The following SMOC2 variants were observed in gnomAD, a reference collection of about 807,000 sequenced individuals.
SMOC2 encodes SPARC-related modular calcium-binding protein 2.
In SMOC2, 39 loss-of-function variants were observed where a neutral mutation model predicts 61.4. The observed-to-expected ratio is 0.64, with a 90% confidence interval of 0.49 to 0.83. The LOEUF (loss-of-function observed/expected upper bound fraction) is 0.83. Ranked by LOEUF, SMOC2 falls within the 40% of genes least tolerant of loss-of-function variation. The pLI is 0.00. For missense variants in SMOC2, 556 were observed against 592.9 expected, an observed-to-expected ratio of 0.94 and a Z score of 0.65; for synonymous variants, 247 against 239.9, an observed-to-expected ratio of 1.03 and a Z score of -0.27.
At chr6:168,501,389 C>A (rs1254097381) in intron 1 of SMOC2, among the ~76,000 whole-genome samples, 1 of 152,028 alleles carries the variant, frequency 6.6e-6, no homozygotes, top group African/African-American at 2.4e-5. Flanking sequence ...GCAAAAAGTA[C>A]AATAAAGCAC....
At chr6:168,575,596 G>A (rs936646728) in intron 7 of SMOC2, among the ~76,000 whole-genome samples, 1 of 152,162 alleles carries the variant, frequency 6.6e-6, no homozygotes, top group African/African-American at 2.4e-5. Context: ...GGAGCCATGC[G>A]AAGGGTCTGT....
chr6:168,612,368 C>T (rs1255483453), intron 9 of SMOC2, among the ~76,000 whole-genome samples: 1 of 117,292 alleles, frequency 8.5e-6, no homozygotes, highest in Non-Finnish European at 1.8e-5. Flanking sequence ...TTTACTCAAA[C>T]AGCAGCACTG....
chr6:168,613,010 T>C (rs1394879149), intron 9 of SMOC2, among the ~76,000 whole-genome samples: 1 of 152,220 alleles, frequency 6.6e-6, no homozygotes, highest in African/African-American at 2.4e-5. Context: ...TCTTTCACTC[T>C]CGGATACGGT....
intron 1 of SMOC2, among the ~76,000 whole-genome samples, chr6:168,465,385 G>A (rs1218662326): frequency 1.3e-5 from 2 of 151,406 alleles, no homozygotes; most frequent in Non-Finnish European, 2.9e-5. Flanking sequence ...GGCTCTTCAT[G>A]AAGAGATTTT....
At chr6:168,661,705 A>T (rs1280830204) in intron 11 of SMOC2, among the ~76,000 whole-genome samples, 1 of 152,148 alleles carries the variant, frequency 6.6e-6, no homozygotes, top group African/African-American at 2.4e-5. Context: ...TCCCAGGGAG[A>T]ATTCTATTAA....
chr6:168,504,766 C>T (rs951402023), intron 1 of SMOC2, among the ~76,000 whole-genome samples: 2 of 151,226 alleles, frequency 1.3e-5, no homozygotes, highest in Non-Finnish European at 2.9e-5. Context: ...TTCACTAGGG[C>T]AGGCTCTTCT....
chr6:168,516,863 G>A (rs558294589), intron 2 of SMOC2, among the ~76,000 whole-genome samples: 232 of 152,242 alleles, frequency 1.5e-3, no homozygotes, highest in Non-Finnish European at 2.5e-3. Context: ...CTGAGGCAGG[G>A]GAATCCCTTG....
chr6:168,605,965 C>G (rs1253540797), intron 8 of SMOC2, among the ~76,000 whole-genome samples: 1 of 152,182 alleles, frequency 6.6e-6, no homozygotes, highest in East Asian at 1.9e-4. Context: ...TTCATAAGCC[C>G]TCGGGCAGGA....
chr6:168,467,471 T>A (rs1315515999), intron 1 of SMOC2, among the ~76,000 whole-genome samples: 1 of 152,100 alleles, frequency 6.6e-6, no homozygotes, highest in East Asian at 1.9e-4. Flanking sequence ...CACACCCGGC[T>A]AATTTTTTTT....
At chr6:168,574,072 A>C (rs1370110472) in intron 7 of SMOC2, among the ~76,000 whole-genome samples, 1 of 152,232 alleles carries the variant, frequency 6.6e-6, no homozygotes, top group Non-Finnish European at 1.5e-5. Context: ...GACGAGGAAA[A>C]GAGGCTGGAA....
chr6:168,478,501 A>G (rs1299524439), intron 1 of SMOC2, among the ~76,000 whole-genome samples: 3 of 152,224 alleles, frequency 2.0e-5, no homozygotes, highest in East Asian at 1.9e-4. Flanking sequence ...CATTAAAAAA[A>G]CAAAATAAGA....
At position 168,547,599 on chromosome 6, in the gene SMOC2, G is replaced by A. The variant is rs117468888; in HGVS notation, c.562+430G>A. ...ATATACTTAATGATGAAACGGCAAC[G>A]GATGGCATAGTAAACATTTCCTAGC... On this transcript the variant is annotated intron_variant, in intron 6 of 12. Coordinates refer to ENST00000356284, the MANE Select transcript of SMOC2 (RefSeq NM_001166412.2). Among the ~76,000 whole-genome samples, 821 of 152,218 alleles carry A rather than the reference G, an allele frequency of 5.4e-3. 13 individuals carry two copies. Among genetic ancestry groups the A allele is most frequent in the South Asian group, 0.019 (92 of 4,814 alleles).
intron 7 of SMOC2, among the ~76,000 whole-genome samples, chr6:168,563,513 C>G (rs1325783404): frequency 6.6e-6 from 1 of 152,116 alleles, no homozygotes; most frequent in East Asian, 1.9e-4. Context: ...TGTCTCCCTG[C>G]TATGGTCTAA....
Position 168,623,449 on chromosome 6 carries a change from C to T in SMOC2, c.907+15210C>T, listed in dbSNP as rs549460857. Among the ~76,000 whole-genome samples the T allele has an allele frequency of 8.6e-5, 13 of 151,028 alleles. No individual in the cohort carries two copies. The East Asian group carries it at 1.6e-3, about 18-fold the overall frequency. ...CAAGCAATTCTCCCGCCTCAGCCTC[C>T]GAGTAACTAGGACTACACACCACCC... On this transcript the variant is annotated intron_variant, in intron 9 of 12. Transcript: ENST00000356284.
intron 9 of SMOC2, among the ~76,000 whole-genome samples, chr6:168,644,979 T>A (rs1786986027): frequency 6.6e-6 from 1 of 152,156 alleles, no homozygotes; most frequent in Non-Finnish European, 1.5e-5. Flanking sequence ...TAAAGATAAT[T>A]TAGAAAGAAA....
intron 9 of SMOC2, among the ~76,000 whole-genome samples, chr6:168,614,528 C>T (rs868022733): frequency 9.2e-5 from 4 of 43,294 alleles, no homozygotes; most frequent in Non-Finnish European, 1.4e-4. Flanking sequence ...CCTCTTCACA[C>T]CTACAGCCAG....
intron 9 of SMOC2, among the ~76,000 whole-genome samples, chr6:168,615,056 A>G (rs1382681798): frequency 2.0e-5 from 2 of 99,122 alleles, no homozygotes; most frequent in African/African-American, 3.9e-5. Flanking sequence ...CAGCCAGCAC[A>G]GGGCCTCTTC....
chr6:168,592,240 C>A (rs533727176), intron 7 of SMOC2, among the ~76,000 whole-genome samples: 1 of 152,158 alleles, frequency 6.6e-6, no homozygotes, highest in Non-Finnish European at 1.5e-5. Context: ...CTTTTTCCTG[C>A]GCCCTTCATG....
chr6:168,645,546 G>A lies in SMOC2; in HGVS notation c.908-5135G>A, dbSNP rs759062806. On this transcript the variant is annotated intron_variant, in intron 9 of 12. Coordinates refer to ENST00000356284, the MANE Select transcript of SMOC2 (RefSeq NM_001166412.2). ...CAGGCTTTGAGAATGCTCAGTTCCC[G>A]CCTTAAAATTCTGACCAAATCTTCA... Among the ~76,000 whole-genome samples the A allele has an allele frequency of 6.6e-5, 10 of 152,212 alleles. No homozygotes were observed. The South Asian group carries it at 8.3e-4, about 13-fold the overall frequency.
Sources: allele counts gnomAD v4.1 joint callset (sites outside exome capture counted in the v4.1 genomes callset), GRCh38; gene constraint gnomAD v4.1.1; transcripts MANE v1.5; gene names NCBI Gene and HGNC (gene_info 2026-07-23, HGNC 2026-07-21).